DPP10: variants seen among roughly 807,000 people sequenced by gnomAD.
DPP10 encodes dipeptidyl peptidase like 10.
In DPP10, 33 loss-of-function variants were observed where a neutral mutation model predicts 120.9. That is an observed-to-expected ratio of 0.27 (90% CI 0.21 to 0.37). DPP10 has a LOEUF of 0.37. DPP10 is among the 10% of genes least tolerant of loss of function. The pLI is 1.00. For synonymous variants in DPP10, 337 were observed against 326.1 expected (o/e 1.03, Z -0.36); for missense variants, 816 against 942.8 (o/e 0.87, Z 1.76).
chr2:115,290,303 T>C (rs190954466), intron 1 of DPP10, among the ~76,000 whole-genome samples: 1 of 152,258 alleles, frequency 6.6e-6, no homozygotes, highest in East Asian at 1.9e-4. Flanking sequence ...TCCAAAATTA[T>C]AAGTTAGCTT....
At chr2:114,607,471 T>C (rs1336457665) in intron 1 of DPP10, among the ~76,000 whole-genome samples, 1 of 152,194 alleles carries the variant, frequency 6.6e-6, no homozygotes. Context: ...CCTTAAATCT[T>C]GCACATAATG....
At chr2:115,586,640 G>A (rs1045344507) in intron 5 of DPP10, among the ~76,000 whole-genome samples, 3 of 151,968 alleles carry the variant, frequency 2.0e-5, no homozygotes, top group Admixed American at 1.3e-4. Flanking sequence ...GTTTTCTTCT[G>A]GGAATAAAAT....
chr2:114,986,228 G>A (rs894317765), intron 1 of DPP10, among the ~76,000 whole-genome samples: 4 of 152,210 alleles, frequency 2.6e-5, no homozygotes, highest in African/African-American at 7.2e-5. Flanking sequence ...TTTATTTAGA[G>A]ACTAGTAAAC....
chr2:115,382,998 A>T, intron 3 of DPP10, among the ~76,000 whole-genome samples: 1 of 151,996 alleles, frequency 6.6e-6, no homozygotes, highest in East Asian at 1.9e-4. Flanking sequence ...TACTTAGACA[A>T]CTCCTTATGA....
intron 5 of DPP10, among the ~76,000 whole-genome samples, chr2:115,539,369 C>T (rs2079050714): frequency 6.6e-6 from 1 of 151,948 alleles, no homozygotes; most frequent in Non-Finnish European, 1.5e-5. Flanking sequence ...TTTGGCTCCA[C>T]ATAATGAAGC....
At chr2:114,960,725 C>T (rs1558925868) in intron 1 of DPP10, among the ~76,000 whole-genome samples, 2 of 152,072 alleles carry the variant, frequency 1.3e-5, no homozygotes, top group African/African-American at 4.8e-5. Context: ...TAAGAAAATA[C>T]TCTATGCTAT....
intron 1 of DPP10, chr2:114,461,767 C>A: frequency 1.0e-6 from 1 of 985,362 alleles, no homozygotes; most frequent in Non-Finnish European, 1.2e-6. Flanking sequence ...GTGCTGCCAT[C>A]CGTAAATTGG....
At chr2:114,937,721 GC>G (rs1233391412) in intron 1 of DPP10, among the ~76,000 whole-genome samples, 1 of 152,084 alleles carries the variant, frequency 6.6e-6, no homozygotes, top group Non-Finnish European at 1.5e-5. Context: ...ACCTTTTATG[GC>G]CACACTACTC....
chr2:115,380,950 G>C (rs1474122029), intron 3 of DPP10, among the ~76,000 whole-genome samples: 1 of 152,138 alleles, frequency 6.6e-6, no homozygotes, highest in African/African-American at 2.4e-5. Flanking sequence ...TTCCCTTTGA[G>C]GGTAACCTGA....
At chr2:114,964,019 A>G (rs72943795) in intron 1 of DPP10, among the ~76,000 whole-genome samples, 3,383 of 152,270 alleles carry the variant, frequency 0.022, 126 homozygotes, top group African/African-American at 0.078. Context: ...AGGAGACAGG[A>G]CTAATAATAC....
intron 4 of DPP10, among the ~76,000 whole-genome samples, chr2:115,525,537 T>C (rs1282620496): frequency 2.0e-5 from 3 of 152,094 alleles, no homozygotes; most frequent in Admixed American, 2.0e-4. Flanking sequence ...AGAATGTCAA[T>C]ACTTCTTTTC....
chr2:114,975,759 TC>T (rs1699714221), intron 1 of DPP10, among the ~76,000 whole-genome samples: 2 of 152,138 alleles, frequency 1.3e-5, no homozygotes, highest in Admixed American at 1.3e-4. Flanking sequence ...CAAGCAATTC[TC>T]CTGCCTCAGC....
intron 1 of DPP10, among the ~76,000 whole-genome samples, chr2:114,963,875 GA>G (rs1336549605): frequency 6.6e-6 from 1 of 152,202 alleles, no homozygotes; most frequent in Admixed American, 6.5e-5. Flanking sequence ...AGAACTAGAA[GA>G]GGAGTTTTCC....
rs183653061 is a variant in DPP10 at position 114,761,450 on chromosome 2, A to G, written c.60+318612A>G. On this transcript the variant is annotated intron_variant, in intron 1 of 25. Transcript: ENST00000410059. ...TCCCCTCTTAAAGAGACTCGCTCGT[A>G]TGCTTGTATTCCTGGGTACTACAGA... Among the ~76,000 whole-genome samples the G allele has an allele frequency of 1.1e-4, 16 of 152,286 alleles. No homozygotes were observed. In the East Asian group the frequency reaches 2.9e-3, roughly 28 times the overall value.
chr2:115,546,735 T>G (rs1044749184), intron 5 of DPP10, among the ~76,000 whole-genome samples: 2 of 152,096 alleles, frequency 1.3e-5, no homozygotes, highest in Non-Finnish European at 2.9e-5. Context: ...GAGTGTTATT[T>G]GAGGAACTAA....
chr2:114,507,702 C>A (rs921595595), intron 1 of DPP10, among the ~76,000 whole-genome samples: 1 of 152,122 alleles, frequency 6.6e-6, no homozygotes, highest in Non-Finnish European at 1.5e-5. Flanking sequence ...GATTTGGAAT[C>A]TCAGCTGTAC....
intron 5 of DPP10, among the ~76,000 whole-genome samples, chr2:115,591,898 A>G (rs1220621077): frequency 6.6e-6 from 1 of 152,024 alleles, no homozygotes; most frequent in African/African-American, 2.4e-5. Context: ...TTCCTATCCT[A>G]TCCTATTTTA....
chr2:114,799,406 T>C (rs1369400897), intron 1 of DPP10, among the ~76,000 whole-genome samples: 1 of 152,190 alleles, frequency 6.6e-6, no homozygotes, highest in Non-Finnish European at 1.5e-5. Flanking sequence ...AAATTGACAG[T>C]TCATTGTGAT....
At chr2:115,023,785 G>T (rs770201828) in intron 1 of DPP10, among the ~76,000 whole-genome samples, 1 of 152,092 alleles carries the variant, frequency 6.6e-6, no homozygotes, top group Non-Finnish European at 1.5e-5. Flanking sequence ...TAAAGAAAAT[G>T]TGGTACTGTG....
Sources: allele counts gnomAD v4.1 joint callset (sites outside exome capture counted in the v4.1 genomes callset), GRCh38; gene constraint gnomAD v4.1.1; transcripts MANE v1.5; gene names NCBI Gene and HGNC (gene_info 2026-07-23, HGNC 2026-07-21).